TENM4: variants seen among roughly 807,000 people sequenced by gnomAD.
TENM4 encodes teneurin transmembrane protein 4, also known as teneurin-4.
TENM4 carries 82 observed loss-of-function variants against 243.3 expected under a neutral mutation model. That is an observed-to-expected ratio of 0.34 (90% CI 0.28 to 0.40). The LOEUF is 0.40. TENM4 is among the 10% of genes least tolerant of loss of function. The probability of loss-of-function intolerance (pLI) is 1.00; values close to 1 mark genes in which losing one functional copy is unlikely to be tolerated. For missense variants in TENM4, 3,138 were observed against 3,673.3 expected, an observed-to-expected ratio of 0.85 and a Z score of 3.77; for synonymous variants, 1,412 against 1,456.3, an observed-to-expected ratio of 0.97 and a Z score of 0.69.
At chr11:79,386,403 G>T (rs541288) in intron 1 of TENM4, among the ~76,000 whole-genome samples, 1 of 151,878 alleles carries the variant, frequency 6.6e-6, no homozygotes, top group East Asian at 1.9e-4. Flanking sequence ...AAAGGAAAAA[G>T]GTTAATAAAC....
At chr11:79,271,863 G>A (rs1855975277) in intron 2 of TENM4, among the ~76,000 whole-genome samples, 1 of 152,186 alleles carries the variant, frequency 6.6e-6, no homozygotes, top group Non-Finnish European at 1.5e-5. Context: ...CTCCAGGAAA[G>A]GAGAGAAGGG....
At chr11:78,902,098 C>T (rs1855940612) in intron 7 of TENM4, among the ~76,000 whole-genome samples, 2 of 152,112 alleles carry the variant, frequency 1.3e-5, no homozygotes, top group South Asian at 2.1e-4. Flanking sequence ...GAAATAAAAT[C>T]TACGTTTCCC....
chr11:79,224,463 A>C (rs1322535861), intron 2 of TENM4, among the ~76,000 whole-genome samples: 1 of 152,096 alleles, frequency 6.6e-6, no homozygotes, highest in Non-Finnish European at 1.5e-5. Context: ...AAGATGCAAA[A>C]ACTGAGAGCA....
intron 3 of TENM4, among the ~76,000 whole-genome samples, chr11:79,162,172 T>C (rs1012059277): frequency 1.3e-5 from 2 of 152,168 alleles, no homozygotes; most frequent in African/African-American, 2.4e-5. Flanking sequence ...CTGTGGGCTT[T>C]CCATGGTAAT....
chr11:78,773,249 G>A lies in TENM4; in HGVS notation c.2393-2111C>T, dbSNP rs145460888. Among the ~76,000 whole-genome samples the A allele has an allele frequency of 8.2e-4, 125 of 152,308 alleles. 1 individual carries two copies. Among genetic ancestry groups the A allele is most frequent in the African/African-American group, 2.6e-3 (107 of 41,568 alleles). On this transcript the variant is annotated intron_variant, in intron 17 of 33. Transcript: ENST00000278550. ...GTAAGATGCAAACAGTATCTCTTAC[G>A]TAAGAGCACAAGCTTGAGAGGCATA...
At chr11:78,785,103 G>C (rs1359597433) in intron 16 of TENM4, among the ~76,000 whole-genome samples, 1 of 150,264 alleles carries the variant, frequency 6.7e-6, no homozygotes, top group Non-Finnish European at 1.5e-5. Flanking sequence ...GCTTTCTTCT[G>C]GGCTGGGAGG....
intron 33 of TENM4, 39 bp from the exon 34 acceptor site, chr11:78,658,855 G>A: frequency 1.3e-6 from 2 of 1,573,154 alleles, no homozygotes; most frequent in Middle Eastern, 2.3e-4. Flanking sequence ...GTAAGACAAA[G>A]GGGAAAAAAC....
chr11:79,317,786 T>C (rs1856826994), intron 1 of TENM4, among the ~76,000 whole-genome samples: 2 of 152,158 alleles, frequency 1.3e-5, no homozygotes, highest in African/African-American at 4.8e-5. Flanking sequence ...AATAACCTCT[T>C]TCCTATGGGC....
In TENM4 at chr11:78,899,571, GAAA is replaced by G. The variant is rs71473386; in HGVS notation, c.749+3694_749+3696del. Among the ~76,000 whole-genome samples the G allele has an allele frequency of 2.5e-3, 202 of 79,318 alleles. 9 individuals are homozygous for G. The highest frequency in any genetic ancestry group is 0.012 in the East Asian group (20 of 1,676). 52.0% of individuals were successfully genotyped at this position (79,318 alleles called of 152,430 possible). On this transcript the variant is annotated intron_variant, in intron 7 of 33. Transcript: ENST00000278550. Reference sequence around the variant, plus strand: ...CTGTCTCAAAAAGCGGGGGGGGGGGGAAAAAGAAAAAAGAAAGAAAATTTGATA... The same window carrying G: ...CTGTCTCAAAAAGCGGGGGGGGGGGGAAGAAAAAAGAAAGAAAATTTGATA...
intron 1 of TENM4, among the ~76,000 whole-genome samples, chr11:79,401,132 G>A (rs1858452614): frequency 6.6e-6 from 1 of 152,220 alleles, no homozygotes; most frequent in East Asian, 1.9e-4. Flanking sequence ...GGGATCCATG[G>A]AGGTATAACA....
intron 6 of TENM4, among the ~76,000 whole-genome samples, chr11:79,037,015 CAAAAAAAAAAAA>C (rs369421583): frequency 4.4e-5 from 4 of 91,084 alleles, no homozygotes; most frequent in African/African-American, 1.5e-4. Flanking sequence ...GACTCCATCT[CAAAAAAAAAAAA>C]AAAAAAAAAA....
chr11:78,928,331 AC>A (rs2136412001), intron 6 of TENM4, among the ~76,000 whole-genome samples: 2 of 152,262 alleles, frequency 1.3e-5, no homozygotes, highest in East Asian at 3.9e-4. Flanking sequence ...CAAAAAATAC[AC>A]CGCCACCCCA....
At position 78,704,034 on chromosome 11, in the gene TENM4, TACACACAC is replaced by T. The variant is rs375601895; in HGVS notation, c.4210-1639_4210-1632del. Reference sequence around the variant, plus strand: ...ACACACACACACACACATATATATATACACACACACACACACACACACACACACACATA... The same window carrying T: ...ACACACACACACACACATATATATATACACACACACACACACACACACATA... On this transcript the variant is annotated intron_variant, in intron 27 of 33. Transcript: ENST00000278550. 7.9e-4 allele frequency among the ~76,000 whole-genome samples: 109 copies of T among 138,266 alleles called. 2 individuals are homozygous for T. The South Asian group carries it at 0.02, about 26-fold the overall frequency. 90.7% of individuals were successfully genotyped at this position (138,266 alleles called of 152,430 possible). A position where few individuals can be genotyped will look rare whatever the true frequency, so the allele number is the denominator to read the frequency against.
intron 1 of TENM4, among the ~76,000 whole-genome samples, chr11:79,340,501 G>C (rs1857224278): frequency 6.6e-6 from 1 of 152,170 alleles, no homozygotes; most frequent in South Asian, 2.1e-4. Context: ...GGAATGTCAA[G>C]ATTTCCTGCA....
intron 1 of TENM4, among the ~76,000 whole-genome samples, chr11:79,367,930 T>C (rs1023026989): frequency 2.0e-5 from 3 of 152,222 alleles, no homozygotes; most frequent in Non-Finnish European, 2.9e-5. Context: ...GTCAGATTAA[T>C]AGCAATAATA....
At chr11:79,324,058 T>TG (rs1405024188) in intron 1 of TENM4, among the ~76,000 whole-genome samples, 2 of 152,158 alleles carry the variant, frequency 1.3e-5, no homozygotes, top group Admixed American at 6.5e-5. Flanking sequence ...AATGGCATAG[T>TG]TTTTGCATAT....
At chr11:78,872,347 T>C (rs1269824009) in intron 9 of TENM4, among the ~76,000 whole-genome samples, 2 of 152,170 alleles carry the variant, frequency 1.3e-5, no homozygotes, top group Admixed American at 1.3e-4. Context: ...CTGCCCTTCA[T>C]AGTCAGGCCT....
chr11:78,935,430 C>G (rs1002897710), intron 6 of TENM4, among the ~76,000 whole-genome samples: 3 of 152,198 alleles, frequency 2.0e-5, no homozygotes, highest in Admixed American at 6.5e-5. Context: ...TAACTTTACT[C>G]CAATAACTTA....
At chr11:79,068,241 TC>T (rs1282126857) in intron 5 of TENM4, 1 of 152,262 alleles carries the variant, frequency 6.6e-6, no homozygotes, top group Non-Finnish European at 1.5e-5. Flanking sequence ...GTCAAGTGTT[TC>T]ATTTATAGTT....
Sources: allele counts gnomAD v4.1 joint callset (sites outside exome capture counted in the v4.1 genomes callset), GRCh38; gene constraint gnomAD v4.1.1; transcripts MANE v1.5; gene names NCBI Gene and HGNC (gene_info 2026-07-23, HGNC 2026-07-21).